GNA14: variants seen among roughly 807,000 people sequenced by gnomAD.
The protein encoded by GNA14 is G protein subunit alpha 14.
A neutral mutation model predicts 42.0 loss-of-function variants in GNA14; 50 were observed. The observed-to-expected ratio is 1.19, with a 90% CI of 0.95 to 1.51. The LOEUF is 1.51. Ranked by LOEUF, GNA14 falls within the 40% of genes most tolerant of loss-of-function variation. The pLI is 0.00. For synonymous variants in GNA14, 173 were observed against 163.1 expected (o/e 1.06, Z -0.46); for missense variants, 473 against 446.2 (o/e 1.06, Z -0.54).
intron 1 of GNA14, among the ~76,000 whole-genome samples, chr9:77,568,207 T>G (rs527567643): frequency 6.6e-6 from 1 of 152,172 alleles, no homozygotes; most frequent in South Asian, 2.1e-4. Flanking sequence ...TCCCAGCACT[T>G]TGTGAGGCCG....
At chr9:77,479,136 T>C (rs1836493780) in intron 2 of GNA14, among the ~76,000 whole-genome samples, 1 of 152,184 alleles carries the variant, frequency 6.6e-6, no homozygotes, top group African/African-American at 2.4e-5. Flanking sequence ...GGTTTTCTTC[T>C]AGGGTTTTTA....
chr9:77,597,110 T>A (rs776813375), intron 1 of GNA14, among the ~76,000 whole-genome samples: 1 of 152,190 alleles, frequency 6.6e-6, no homozygotes, highest in Non-Finnish European at 1.5e-5. Flanking sequence ...TGTCTTAGAT[T>A]TTCTGGGTTC....
intron 2 of GNA14, among the ~76,000 whole-genome samples, chr9:77,441,154 T>G (rs943199581): frequency 2.6e-5 from 4 of 152,258 alleles, no homozygotes; most frequent in African/African-American, 9.6e-5. Flanking sequence ...TTTGGCTCTG[T>G]GTCCCCACCC....
chr9:77,542,692 G>A (rs773462803), intron 1 of GNA14, among the ~76,000 whole-genome samples: 2 of 152,236 alleles, frequency 1.3e-5, no homozygotes, highest in Non-Finnish European at 2.9e-5. Flanking sequence ...AGGAGTGCCA[G>A]TCCCCTGGCC....
chr9:77,603,509 A>T (rs1450154352), intron 1 of GNA14, among the ~76,000 whole-genome samples: 1 of 152,228 alleles, frequency 6.6e-6, no homozygotes, highest in Admixed American at 6.5e-5. Context: ...ACATAGAAAG[A>T]GACATCATTT....
intron 1 of GNA14, among the ~76,000 whole-genome samples, chr9:77,617,830 T>G (rs1319552809): frequency 1.3e-5 from 2 of 152,096 alleles, no homozygotes; most frequent in Non-Finnish European, 2.9e-5. Context: ...TGGTACATTG[T>G]TCCCTGGGTC....
chr9:77,507,262 A>G (rs1837086994), intron 2 of GNA14, among the ~76,000 whole-genome samples: 2 of 152,208 alleles, frequency 1.3e-5, no homozygotes, highest in Admixed American at 1.3e-4. Context: ...AAGAGAAAGA[A>G]TCTCTTGCTT....
chr9:77,552,353 T>A (rs1387940030), intron 1 of GNA14, among the ~76,000 whole-genome samples: 1 of 151,876 alleles, frequency 6.6e-6, no homozygotes, highest in Non-Finnish European at 1.5e-5. Flanking sequence ...GAAATGAAAA[T>A]AATGAGAGAT....
intron 1 of GNA14, among the ~76,000 whole-genome samples, chr9:77,536,735 T>C (rs1837603878): frequency 6.6e-6 from 1 of 152,230 alleles, no homozygotes; most frequent in Admixed American, 6.5e-5. Flanking sequence ...TTCCTGCTAC[T>C]TTCTATCATC....
intron 1 of GNA14, among the ~76,000 whole-genome samples, chr9:77,546,312 C>T (rs925561381): frequency 2.0e-5 from 3 of 151,192 alleles, no homozygotes; most frequent in Middle Eastern, 6.9e-3. Context: ...TAATTCAGAG[C>T]GGCCTCTCCC....
At chr9:77,541,520 C>A (rs762096897) in intron 1 of GNA14, among the ~76,000 whole-genome samples, 1 of 152,118 alleles carries the variant, frequency 6.6e-6, no homozygotes, top group Non-Finnish European at 1.5e-5. Flanking sequence ...GTGGAGAAGA[C>A]CTTTTTGCAT....
At chr9:77,641,462 C>A (rs1182639846) in intron 1 of GNA14, among the ~76,000 whole-genome samples, 1 of 151,652 alleles carries the variant, frequency 6.6e-6, no homozygotes, top group Non-Finnish European at 1.5e-5. Context: ...CCAGATGCCA[C>A]CCCCGAGAAG....
intron 2 of GNA14, among the ~76,000 whole-genome samples, chr9:77,469,497 C>G (rs1836292133): frequency 6.8e-6 from 1 of 147,266 alleles, no homozygotes; most frequent in Non-Finnish European, 1.5e-5. Flanking sequence ...AAGCACATAT[C>G]AAAGTTTTAT....
rs79645634 is a variant in GNA14, at chr9:77,608,667, A to C, written c.124+39003T>G. On this transcript the variant is annotated intron_variant, in intron 1 of 6. Transcript: ENST00000341700. Reference sequence around the variant, plus strand: ...TTATTCTTCCCTTTTCTTGAAAGATAAAGCATGTTCACAGCCAAATGGCCC... The same window carrying C: ...TTATTCTTCCCTTTTCTTGAAAGATCAAGCATGTTCACAGCCAAATGGCCC... Among the ~76,000 whole-genome samples, 603 of 151,462 alleles carry C rather than the reference A, an allele frequency of 4.0e-3. 30 individuals are homozygous for C. The East Asian group carries it at 0.1, about 26-fold the overall frequency.
intron 2 of GNA14, among the ~76,000 whole-genome samples, chr9:77,434,883 C>G (rs375262886): frequency 3.9e-5 from 6 of 152,278 alleles, no homozygotes; most frequent in South Asian, 4.2e-4. Flanking sequence ...TAACATATGA[C>G]TCATTTGAGT....
At chr9:77,573,919 G>GT (rs1388858121) in intron 1 of GNA14, among the ~76,000 whole-genome samples, 17 of 152,050 alleles carry the variant, frequency 1.1e-4, no homozygotes, top group Admixed American at 8.5e-4. Context: ...AGTAACCATT[G>GT]TATTATTCAT....
chr9:77,637,959 C>G (rs1005928353), intron 1 of GNA14, among the ~76,000 whole-genome samples: 4 of 152,114 alleles, frequency 2.6e-5, no homozygotes, highest in African/African-American at 9.7e-5. Context: ...TGAAAAAATA[C>G]TGGAAGATCA....
rs946413129 is a variant in GNA14, at chr9:77,600,943, A to C, written c.124+46727T>G. 2.6e-5 allele frequency among the ~76,000 whole-genome samples: 4 copies of C among 152,214 alleles called. No homozygotes were observed. In the South Asian group the frequency reaches 8.3e-4, roughly 32 times the overall value. On this transcript the variant is annotated intron_variant, in intron 1 of 6. Coordinates refer to ENST00000341700, the MANE Select transcript of GNA14 (RefSeq NM_004297.4). ...TCAAAAACAAAACAAAGCAATAAAC[A>C]GATTAGGAGTGAAGAAAATGATAGA...
intron 2 of GNA14, among the ~76,000 whole-genome samples, chr9:77,448,798 T>C (rs895697453): frequency 2.6e-5 from 4 of 152,214 alleles, no homozygotes; most frequent in African/African-American, 9.7e-5. Flanking sequence ...CTAGTCTTTT[T>C]AAGAATGATG....
Sources: gnomAD v4.1 joint callset for allele counts (sites outside exome capture counted in the v4.1 genomes callset) on GRCh38, gnomAD v4.1.1 for gene constraint, MANE v1.5 for transcripts, NCBI Gene and HGNC (gene_info 2026-07-23, HGNC 2026-07-21) for gene names.